The following H2AC25 variants were observed in gnomAD, a reference collection of about 807,000 sequenced individuals.
H2AC25 encodes H2A clustered histone 25.
chr1:228,457,610 C>G, the H2AC25 span: 5 of 1,613,934 alleles, frequency 3.1e-6, no homozygotes, highest in Non-Finnish European at 4.2e-6. Context: ...TCGCGCGCCG[C>G]GTTGCCGGCA....
At chr1:228,457,588 G>A in the H2AC25 span, 6 of 1,613,952 alleles carry the variant, frequency 3.7e-6, no homozygotes, top group South Asian at 4.4e-5. Flanking sequence ...GATGATGCGC[G>A]TCTTCTTGTT....
At chr1:228,457,391 T>C in the H2AC25 span, 3 of 1,612,172 alleles carry the variant, frequency 1.9e-6, no homozygotes, top group Admixed American at 1.7e-5. Flanking sequence ...AGCCTTTATG[T>C]CCATCAAAGG....
chr1:228,457,432 CCCTTGG>C, the H2AC25 span: 1 of 1,614,048 alleles, frequency 6.2e-7, no homozygotes, highest in Non-Finnish European at 8.5e-7. Context: ...GCCTCACTTG[CCCTTGG>C]CCTTGTGGTG....
At chr1:228,457,506 C>T in the H2AC25 span, 1 of 1,614,132 alleles carries the variant, frequency 6.2e-7, no homozygotes, top group Non-Finnish European at 8.5e-7. Flanking sequence ...CGCCACCCTG[C>T]GCGATGGTCA....
chr1:228,457,752 CGCGCGCGACGAGCGCGACTTAGCCTTG>C, the H2AC25 span: 2 of 1,611,410 alleles, frequency 1.2e-6, no homozygotes, highest in Non-Finnish European at 1.7e-6. Flanking sequence ...ACTGCAGCCC[CGCGCGCGACGAGCGCGACTTAGCCTTG>C]GCGCGCGCCT....
chr1:228,457,389 T>A, the H2AC25 span: 3 of 1,612,106 alleles, frequency 1.9e-6, no homozygotes, highest in Non-Finnish European at 2.5e-6. Flanking sequence ...AGAGCCTTTA[T>A]GTCCATCAAA....
At chr1:228,457,848 C>G in the H2AC25 span, 1,452 of 1,575,480 alleles carry the variant, frequency 9.2e-4, no homozygotes, top group Non-Finnish European at 1.1e-3. Context: ...ACAACGGCAA[C>G]CGAAAAGCGA....
At chr1:228,457,868 C>T in the H2AC25 span, 2 of 1,562,960 alleles carry the variant, frequency 1.3e-6, no homozygotes, top group South Asian at 1.2e-5. Flanking sequence ...AGACTAAAAA[C>T]AAGAGGGCAG....
the H2AC25 span, chr1:228,457,575 C>T: frequency 1.2e-6 from 2 of 1,613,954 alleles, no homozygotes; most frequent in Non-Finnish European, 1.7e-6. Context: ...GCAGGTGGCG[C>T]GGGATGATGC....
At chr1:228,457,846 A>G in the H2AC25 span, 2 of 1,578,030 alleles carry the variant, frequency 1.3e-6, no homozygotes, top group African/African-American at 2.7e-5. Flanking sequence ...AGACAACGGC[A>G]ACCGAAAAGC....
chr1:228,457,507 G>A, the H2AC25 span: 4 of 1,614,062 alleles, frequency 2.5e-6, no homozygotes, highest in Non-Finnish European at 3.4e-6. Context: ...GCCACCCTGC[G>A]CGATGGTCAC....
the H2AC25 span, chr1:228,457,657 G>T: frequency 6.2e-7 from 1 of 1,613,718 alleles, no homozygotes; most frequent in Non-Finnish European, 8.5e-7. Flanking sequence ...CTCGAGCACC[G>T]CGGCCAGATA....
chr1:228,457,748 G>A, the H2AC25 span: 3 of 1,611,480 alleles, frequency 1.9e-6, no homozygotes, highest in Non-Finnish European at 2.5e-6. Flanking sequence ...GGGAACTGCA[G>A]CCCCGCGCGC....
At chr1:228,457,658 C>A in the H2AC25 span, 1 of 1,613,834 alleles carries the variant, frequency 6.2e-7, no homozygotes, top group Non-Finnish European at 8.5e-7. Context: ...TCGAGCACCG[C>A]GGCCAGATAG....
the H2AC25 span, chr1:228,457,666 T>A: frequency 1.2e-6 from 2 of 1,613,576 alleles, no homozygotes; most frequent in African/African-American, 1.3e-5. Context: ...CGCGGCCAGA[T>A]AGACCGGGGC....
At chr1:228,457,582 A>T in the H2AC25 span, 1 of 1,614,034 alleles carries the variant, frequency 6.2e-7, no homozygotes. Context: ...GCGCGGGATG[A>T]TGCGCGTCTT....
At chr1:228,457,637 C>T in the H2AC25 span, 1 of 1,613,792 alleles carries the variant, frequency 6.2e-7, no homozygotes, top group Admixed American at 1.7e-5. Context: ...AGGATCTCGG[C>T]AGTCAAGTAC....
chr1:228,457,476 G>A, the H2AC25 span: 5 of 1,614,102 alleles, frequency 3.1e-6, no homozygotes, highest in East Asian at 4.5e-5. Flanking sequence ...GCAGCAGTAC[G>A]GCCTGGATGT....
the H2AC25 span, chr1:228,457,385 T>C: frequency 8.1e-6 from 13 of 1,611,686 alleles, no homozygotes; most frequent in Non-Finnish European, 1.1e-5. Flanking sequence ...GAAAAGAGCC[T>C]TTATGTCCAT....
Sources: gnomAD v4.1 joint callset for allele counts on GRCh38, gnomAD v4.1.1 for gene constraint, MANE v1.5 for transcripts, NCBI Gene and HGNC (gene_info 2026-07-23, HGNC 2026-07-21) for gene names.